KCNMB2: variants seen among roughly 807,000 people sequenced by gnomAD.
KCNMB2 encodes potassium calcium-activated channel subfamily M regulatory beta subunit 2.
In KCNMB2, 9 loss-of-function variants were observed where a neutral mutation model predicts 24.5. That is an observed-to-expected ratio of 0.37 (90% CI 0.22 to 0.64). The LOEUF (loss-of-function observed/expected upper bound fraction) is 0.64, where lower values mean the gene tolerates loss of function less well. Among genes scored for constraint, KCNMB2 ranks in the 30% least tolerant of loss-of-function variants. The probability of loss-of-function intolerance (pLI) is 0.63; values close to 1 mark genes in which losing one functional copy is unlikely to be tolerated. For synonymous variants in KCNMB2, 109 were observed against 104.4 expected (o/e 1.04, Z -0.27); for missense variants, 226 against 284.3 (o/e 0.79, Z 1.47).
intron 1 of KCNMB2, among the ~76,000 whole-genome samples, chr3:178,559,665 T>C (rs1343827386): frequency 6.9e-6 from 1 of 145,710 alleles, no homozygotes; most frequent in Middle Eastern, 3.2e-3. Flanking sequence ...TCCAGGACCC[T>C]TTTTTCCTCT....
intron 1 of KCNMB2, among the ~76,000 whole-genome samples, chr3:178,618,134 T>C (rs983983520): frequency 2.6e-5 from 4 of 152,066 alleles, no homozygotes; most frequent in African/African-American, 9.7e-5. Context: ...CTTCAACCAA[T>C]ATCAAATTAT....
intron 1 of KCNMB2, among the ~76,000 whole-genome samples, chr3:178,680,256 C>T (rs1721221225): frequency 6.6e-6 from 1 of 152,076 alleles, no homozygotes; most frequent in Non-Finnish European, 1.5e-5. Context: ...AGGACTGTGC[C>T]TTTTCCTTTA....
At chr3:178,763,024 T>C (rs1432475642) in intron 1 of KCNMB2, among the ~76,000 whole-genome samples, 2 of 152,042 alleles carry the variant, frequency 1.3e-5, no homozygotes, top group African/African-American at 4.8e-5. Context: ...TGGAAGTCAC[T>C]TAGCGATAGA....
At chr3:178,810,275 T>G (rs1261956330) in intron 2 of KCNMB2, among the ~76,000 whole-genome samples, 4 of 152,254 alleles carry the variant, frequency 2.6e-5, no homozygotes, top group Non-Finnish European at 5.9e-5. Flanking sequence ...ATTCAGTTTC[T>G]TCTTGTTCTG....
chr3:178,551,499 C>T (rs1295418519), intron 1 of KCNMB2, among the ~76,000 whole-genome samples: 1 of 152,196 alleles, frequency 6.6e-6, no homozygotes, highest in Non-Finnish European at 1.5e-5. Flanking sequence ...TTCGAACCTT[C>T]TTCACTAAGA....
At position 178,758,531 on chromosome 3, in the gene KCNMB2, TA is replaced by T. The variant is rs1182430312; in HGVS notation, c.-67-48811del. ...ATATATCTCCAAGAGGAGATGTATA[TA>T]TATATATATATATATATATCCAAGA... On this transcript the variant is annotated intron_variant, in intron 1 of 4. Transcript: ENST00000452583. 1.3e-3 allele frequency among the ~76,000 whole-genome samples: 53 copies of T among 40,694 alleles called. 7 individuals are homozygous for T. The highest frequency in any genetic ancestry group is 5.6e-3 in the African/African-American group (50 of 8,934). 26.7% of individuals were successfully genotyped at this position (40,694 alleles called of 152,430 possible).
chr3:178,831,975 A>G (rs1323665176), intron 4 of KCNMB2, among the ~76,000 whole-genome samples: 4 of 152,112 alleles, frequency 2.6e-5, no homozygotes, highest in Admixed American at 1.3e-4. Context: ...CAACTTATAT[A>G]TTATCATTTT....
At chr3:178,741,482 T>C (rs968758824) in intron 1 of KCNMB2, among the ~76,000 whole-genome samples, 1 of 152,168 alleles carries the variant, frequency 6.6e-6, no homozygotes, top group Non-Finnish European at 1.5e-5. Context: ...TTTATCCCTA[T>C]CCCATGCTTC....
intron 1 of KCNMB2, among the ~76,000 whole-genome samples, chr3:178,650,808 C>T (rs1028373087): frequency 6.6e-6 from 1 of 152,096 alleles, no homozygotes; most frequent in Non-Finnish European, 1.5e-5. Flanking sequence ...ATGGCAAAAA[C>T]CACACGATTA....
intron 1 of KCNMB2, among the ~76,000 whole-genome samples, chr3:178,614,578 C>T (rs183044907): frequency 1.3e-4 from 19 of 151,998 alleles, no homozygotes; most frequent in Admixed American, 3.3e-4. Context: ...CCAGGTCCTT[C>T]CCACAAGATA....
intron 1 of KCNMB2, among the ~76,000 whole-genome samples, chr3:178,723,969 A>G (rs1722888156): frequency 6.6e-6 from 1 of 152,170 alleles, no homozygotes; most frequent in African/African-American, 2.4e-5. Context: ...TCATTTTAGT[A>G]GAACTATTTA....
chr3:178,577,822 T>G (rs1285934647), intron 1 of KCNMB2, among the ~76,000 whole-genome samples: 1 of 151,932 alleles, frequency 6.6e-6, no homozygotes, highest in African/African-American at 2.4e-5. Flanking sequence ...AAGACAAGAC[T>G]AGAGAAAAAA....
At chr3:178,722,388 T>A (rs1013046176) in intron 1 of KCNMB2, among the ~76,000 whole-genome samples, 1 of 152,148 alleles carries the variant, frequency 6.6e-6, no homozygotes, top group Non-Finnish European at 1.5e-5. Context: ...GCTGTGAAGT[T>A]CAATATCAAA....
intron 4 of KCNMB2, among the ~76,000 whole-genome samples, chr3:178,837,540 G>A (rs1263189376): frequency 3.3e-5 from 5 of 152,162 alleles, no homozygotes; most frequent in Non-Finnish European, 7.4e-5. Flanking sequence ...CATTTTCAGG[G>A]ACAGTTAATG....
At chr3:178,775,325 C>T (rs143872772) in intron 1 of KCNMB2, among the ~76,000 whole-genome samples, 5 of 152,084 alleles carry the variant, frequency 3.3e-5, no homozygotes, top group African/African-American at 1.2e-4. Flanking sequence ...CTGACACCTA[C>T]TATGTGTTAT....
chr3:178,770,125 T>A (rs1712284302), intron 1 of KCNMB2, among the ~76,000 whole-genome samples: 1 of 152,192 alleles, frequency 6.6e-6, no homozygotes, highest in African/African-American at 2.4e-5. Flanking sequence ...TCTGCATAAT[T>A]TATAGCTCCT....
At chr3:178,568,863 G>C (rs1337350575) in intron 1 of KCNMB2, among the ~76,000 whole-genome samples, 1 of 118,828 alleles carries the variant, frequency 8.4e-6, no homozygotes, top group Non-Finnish European at 1.8e-5. Context: ...ATGATAGATA[G>C]ATAGATAGAT....
At chr3:178,636,496 C>A (rs990620952) in intron 1 of KCNMB2, among the ~76,000 whole-genome samples, 1 of 152,160 alleles carries the variant, frequency 6.6e-6, no homozygotes, top group African/African-American at 2.4e-5. Context: ...AAACAAAACA[C>A]AAATAGAGGG....
intron 1 of KCNMB2, among the ~76,000 whole-genome samples, chr3:178,761,197 A>G (rs1049063492): frequency 7.2e-5 from 11 of 152,200 alleles, no homozygotes; most frequent in Admixed American, 6.5e-4. Context: ...GAGGCTAGAA[A>G]TGAATCATAG....
Sources: allele counts gnomAD v4.1 joint callset (sites outside exome capture counted in the v4.1 genomes callset), GRCh38; gene constraint gnomAD v4.1.1; transcripts MANE v1.5; gene names NCBI Gene and HGNC (gene_info 2026-07-23, HGNC 2026-07-21).